Variants in STIMATE observed in about 807,000 individuals in gnomAD.
STIMATE encodes store-operated calcium entry regulator STIMATE.
A neutral mutation model predicts 36.7 loss-of-function variants in STIMATE; 15 were observed. That is an observed-to-expected ratio of 0.41 (90% CI 0.27 to 0.63). STIMATE has a LOEUF of 0.63. Ranked by LOEUF, STIMATE falls within the 20% of genes least tolerant of loss-of-function variation. The pLI is 0.32. For missense variants in STIMATE, 305 were observed against 397.3 expected (o/e 0.77, Z 1.98); for synonymous variants, 163 against 162.3 (o/e 1.00, Z -0.03).
intron 1 of STIMATE, among the ~76,000 whole-genome samples, chr3:52,857,945 AT>A (rs1336447634): frequency 6.6e-6 from 1 of 152,112 alleles, no homozygotes; most frequent in Non-Finnish European, 1.5e-5. Flanking sequence ...CCCTAATCCA[AT>A]GACTGGAATC....
intron 4 of STIMATE, chr3:52,847,603 A>C: frequency 2.5e-6 from 3 of 1,177,768 alleles, no homozygotes; most frequent in Non-Finnish European, 3.3e-6. Flanking sequence ...CTTCATTTAC[A>C]TGAGAAGAGA....
In STIMATE at chr3:52,847,078, A is replaced by AT. The variant is rs1687952802; in HGVS notation, c.428-2138_428-2137insA. ...GTCATGTGCCTGGCTAATTAAAAAA[A>AT]ATTTTTTTTTTTGTAGAGACGGGAT... is the stretch of plus-strand genomic sequence containing the variant. On this transcript the variant is annotated intron_variant, in intron 4 of 7. Coordinates refer to ENST00000355083, the MANE Select transcript of STIMATE (RefSeq NM_198563.5). The AT allele has an allele frequency of 6.3e-5, 22 of 349,156 alleles. No homozygotes were observed. The South Asian group carries it at 2.4e-3, about 37-fold the overall frequency. The allele number at this position is 349,156 out of a possible 1,614,324, so 21.6% of individuals were successfully genotyped here.
At position 52,887,760 on chromosome 3, in the gene STIMATE, A is replaced by G. The variant is rs554865086; in HGVS notation, c.160+9531T>C. Reference sequence around the variant, plus strand: ...GTGACTGGGAGAATGAGATTTCACTATAAAATGGCTGCATCCAGGATAAGG... The same window carrying G: ...GTGACTGGGAGAATGAGATTTCACTGTAAAATGGCTGCATCCAGGATAAGG... On this transcript the variant is annotated intron_variant, in intron 1 of 7. Coordinates refer to ENST00000355083, the MANE Select transcript of STIMATE (RefSeq NM_198563.5). Among the ~76,000 whole-genome samples the G allele has an allele frequency of 4.6e-5, 7 of 152,288 alleles. No individual in the cohort carries two copies. The South Asian group carries it at 1.5e-3, about 32-fold the overall frequency.
At chr3:52,865,322 T>C (rs997622533) in intron 1 of STIMATE, among the ~76,000 whole-genome samples, 22 of 152,214 alleles carry the variant, frequency 1.4e-4, no homozygotes, top group Admixed American at 1.1e-3. Flanking sequence ...CTGTTCCAAC[T>C]TCTGCCTGAT....
intron 2 of STIMATE, among the ~76,000 whole-genome samples, chr3:52,852,900 C>G (rs564905002): frequency 1.3e-5 from 2 of 152,272 alleles, no homozygotes; most frequent in African/African-American, 4.8e-5. Context: ...CTTTGAAAAC[C>G]CTAAAAGGTC....
At chr3:52,860,120 A>G (rs1701192511) in intron 1 of STIMATE, among the ~76,000 whole-genome samples, 1 of 44,004 alleles carries the variant, frequency 2.3e-5, no homozygotes. Flanking sequence ...AATTTGGTAA[A>G]GGGGGTAAAA....
intron 1 of STIMATE, among the ~76,000 whole-genome samples, chr3:52,885,118 G>T (rs1010805238): frequency 6.6e-6 from 1 of 152,036 alleles, no homozygotes; most frequent in East Asian, 1.9e-4. Context: ...TGTCTTGTGG[G>T]TATATATTGG....
At chr3:52,887,433 C>T (rs186445421) in intron 1 of STIMATE, among the ~76,000 whole-genome samples, 19 of 152,274 alleles carry the variant, frequency 1.2e-4, no homozygotes, top group Middle Eastern at 3.4e-3. Flanking sequence ...TGGATGTTTG[C>T]GGCACAGGAA....
chr3:52,843,685 G>A (rs899896805), intron 6 of STIMATE, 36 bp downstream of exon 6: 2 of 1,614,058 alleles, frequency 1.2e-6, no homozygotes, highest in Non-Finnish European at 1.7e-6. Context: ...GCCAGACAGG[G>A]AGCAAATCGG....
intron 3 of STIMATE, among the ~76,000 whole-genome samples, chr3:52,851,623 C>G (rs1245321761): frequency 3.3e-5 from 5 of 151,002 alleles, no homozygotes; most frequent in Admixed American, 2.7e-4. Context: ...GCTTCCAAGG[C>G]AATTTCCCTC....
intron 1 of STIMATE, among the ~76,000 whole-genome samples, chr3:52,896,619 T>C (rs996906935): frequency 3.9e-5 from 6 of 152,002 alleles, no homozygotes; most frequent in East Asian, 1.9e-4. Context: ...ATGCGGCTTA[T>C]TAGGAAAGCT....
chr3:52,849,831 C>T lies in STIMATE; in HGVS notation c.388G>A (p.Glu130Lys). The T allele has an allele frequency of 6.2e-7, 1 of 1,613,742 alleles. No individual in the cohort carries two copies. The highest frequency in any genetic ancestry group is 8.5e-7 in the Non-Finnish European group (1 of 1,180,030). Residue 130 changes from glutamate to lysine, a missense_variant, in exon 4 of 8, where the codon GAG becomes AAG. This residue lies in a region of STIMATE where 164 missense variants were observed against 257.9 expected (regional missense o/e 0.64). Coordinates refer to ENST00000355083, the MANE Select transcript of STIMATE (RefSeq NM_198563.5). ...CGCAGGGACTCCCACTGCTGCCACT[C>T]TACCAGGACGCTGACGGCGCGCACC... ...VGVRAVSVLV[E>K]WQQWESLRFG...
intron 1 of STIMATE, among the ~76,000 whole-genome samples, chr3:52,856,851 A>G (rs934861661): frequency 2.0e-5 from 3 of 152,224 alleles, no homozygotes; most frequent in East Asian, 1.9e-4. Context: ...AGAGGAAATG[A>G]AAAGTTTTGA....
chr3:52,855,449 A>G lies in STIMATE; in HGVS notation c.161-5T>C. Reference sequence around the variant, plus strand: ...TTGGTTCTCTGAAGCGTTTGACTGAAAGAAAAGACAGACATCAGTAGTTTT... The same window carrying G: ...TTGGTTCTCTGAAGCGTTTGACTGAGAGAAAAGACAGACATCAGTAGTTTT... On this transcript the variant is annotated splice_polypyrimidine_tract_variant and splice_region_variant and intron_variant, in intron 1 of 7. Coordinates refer to ENST00000355083, the MANE Select transcript of STIMATE (RefSeq NM_198563.5). 6.2e-7 allele frequency: 1 copy of G among 1,614,172 alleles called. No individual in the cohort carries two copies. The highest frequency in any genetic ancestry group is 8.5e-7 in the Non-Finnish European group (1 of 1,180,018).
At chr3:52,847,449 T>C (rs987468802) in intron 4 of STIMATE, 27 of 1,286,844 alleles carry the variant, frequency 2.1e-5, no homozygotes, top group Non-Finnish European at 2.5e-5. Context: ...GTAATCAGAG[T>C]GCAGACACCA....
intron 1 of STIMATE, among the ~76,000 whole-genome samples, chr3:52,866,594 A>G (rs1701316742): frequency 6.6e-6 from 1 of 152,200 alleles, no homozygotes; most frequent in South Asian, 2.1e-4. Flanking sequence ...GACTTCACAC[A>G]GCACCCAGGT....
intron 1 of STIMATE, among the ~76,000 whole-genome samples, chr3:52,867,867 A>G (rs1408163197): frequency 6.6e-6 from 1 of 152,204 alleles, no homozygotes; most frequent in Non-Finnish European, 1.5e-5. Flanking sequence ...AGCCGCAAAG[A>G]AAGCCAAGTC....
intron 2 of STIMATE, among the ~76,000 whole-genome samples, chr3:52,853,792 T>C (rs547549024): frequency 1.7e-4 from 26 of 152,360 alleles, no homozygotes; most frequent in African/African-American, 6.3e-4. Flanking sequence ...AGTACACGCT[T>C]AATAATTTTA....
intron 4 of STIMATE, chr3:52,847,580 A>G (rs1234511833): frequency 3.1e-6 from 4 of 1,284,932 alleles, no homozygotes; most frequent in Non-Finnish European, 4.1e-6. Context: ...TCCTAGAAAA[A>G]TAAGCCCCTC....
Sources: gnomAD v4.1 joint callset for allele counts (sites outside exome capture counted in the v4.1 genomes callset) on GRCh38, gnomAD v4.1.1 for gene constraint, gnomAD v4.1.1 regional missense constraint, MANE v1.5 for transcripts, NCBI Gene and HGNC (gene_info 2026-07-23, HGNC 2026-07-21) for gene names.